The following ANO10 variants were observed in gnomAD, a reference collection of about 807,000 sequenced individuals.
The protein encoded by ANO10 is anoctamin 10, also known as anoctamin-10.
ANO10 carries 77 observed loss-of-function variants against 74.7 expected under a neutral mutation model. The ratio of observed to expected loss-of-function variants is 1.03; its 90% CI spans 0.86 to 1.25. The LOEUF is 1.25. Among genes scored for constraint, ANO10 ranks in the 50% most tolerant of loss-of-function variants. The probability of loss-of-function intolerance (pLI) is 0.00; values close to 1 mark genes in which losing one functional copy is unlikely to be tolerated. For synonymous variants in ANO10, 279 were observed against 284.9 expected (o/e 0.98, Z 0.21); for missense variants, 721 against 778.1 (o/e 0.93, Z 0.87).
intron 1 of ANO10, chr3:43,636,350 A>G (rs1575573362): frequency 6.6e-6 from 1 of 151,906 alleles, no homozygotes; most frequent in African/African-American, 2.4e-5. Context: ...AGTAGCAAGG[A>G]CTCCTGCCAC....
intron 1 of ANO10, among the ~76,000 whole-genome samples, chr3:43,677,580 G>A (rs1227349178): frequency 1.3e-5 from 2 of 152,148 alleles, no homozygotes; most frequent in African/African-American, 4.8e-5. Flanking sequence ...ACAATTCTGT[G>A]GGTCAGTAAT....
chr3:43,616,576 T>C (rs774416141), intron 1 of ANO10, among the ~76,000 whole-genome samples: 22 of 152,166 alleles, frequency 1.4e-4, no homozygotes, highest in Admixed American at 1.4e-3. Context: ...TGGGCTTTTT[T>C]AGTGCAAGCT....
intron 11 of ANO10, among the ~76,000 whole-genome samples, chr3:43,468,166 A>G (rs1370447512): frequency 5.9e-5 from 9 of 152,166 alleles, no homozygotes; most frequent in African/African-American, 2.2e-4. Context: ...GTGATTTCTT[A>G]TGTGTTTAAA....
intron 11 of ANO10, among the ~76,000 whole-genome samples, chr3:43,478,071 A>G (rs2076140750): frequency 6.6e-6 from 1 of 152,152 alleles, no homozygotes; most frequent in African/African-American, 2.4e-5. Context: ...TGCTCACAAC[A>G]GCCCTATGAG....
chr3:43,631,080 T>A (rs1204580871), intron 1 of ANO10, among the ~76,000 whole-genome samples: 1 of 152,210 alleles, frequency 6.6e-6, no homozygotes, highest in East Asian at 1.9e-4. Flanking sequence ...AGCCAAAAAC[T>A]AGGCAGCTGG....
intron 8 of ANO10, among the ~76,000 whole-genome samples, chr3:43,564,296 A>C (rs1463054024): frequency 6.6e-6 from 1 of 152,088 alleles, no homozygotes; most frequent in Non-Finnish European, 1.5e-5. Flanking sequence ...AGCCTCCTAA[A>C]GTGCTGGGAT....
intron 1 of ANO10, among the ~76,000 whole-genome samples, chr3:43,643,664 G>A (rs1235873165): frequency 1.4e-5 from 2 of 144,482 alleles, no homozygotes; most frequent in Admixed American, 1.4e-4. Flanking sequence ...AGCTTTTCAT[G>A]TACTTGTCCT....
At chr3:43,404,387 C>G (rs968077939) in intron 12 of ANO10, among the ~76,000 whole-genome samples, 9 of 152,162 alleles carry the variant, frequency 5.9e-5, no homozygotes, top group African/African-American at 1.9e-4. Context: ...CCTCAGAGAG[C>G]TTAAGGCAGA....
chr3:43,646,240 T>C (rs780686585), intron 1 of ANO10, among the ~76,000 whole-genome samples: 6 of 152,220 alleles, frequency 3.9e-5, no homozygotes, highest in Admixed American at 3.3e-4. Context: ...TTTACTCTGA[T>C]ACAATGTGAA....
chr3:43,636,848 C>T (rs1179164259), intron 1 of ANO10, among the ~76,000 whole-genome samples: 2 of 152,174 alleles, frequency 1.3e-5, no homozygotes, highest in Non-Finnish European at 2.9e-5. Flanking sequence ...CTGAAAAACA[C>T]CTGGTCTCTG....
intron 9 of ANO10, 39 bp downstream of exon 9, chr3:43,561,181 C>T (rs746900156): frequency 2.5e-6 from 4 of 1,603,026 alleles, no homozygotes; most frequent in Non-Finnish European, 3.4e-6. Flanking sequence ...CTATTATTCA[C>T]TCTCAGTAAA....
intron 7 of ANO10, among the ~76,000 whole-genome samples, chr3:43,571,722 T>C (rs2080732253): frequency 6.6e-6 from 1 of 151,090 alleles, no homozygotes; most frequent in African/African-American, 2.4e-5. Flanking sequence ...CATTGGGAGA[T>C]ATACCTAATG....
At chr3:43,491,675 G>A (rs577828129) in intron 11 of ANO10, among the ~76,000 whole-genome samples, 4 of 152,020 alleles carry the variant, frequency 2.6e-5, no homozygotes, top group South Asian at 2.1e-4. Context: ...AACTTGCCTC[G>A]GTCTCTCCTT....
At chr3:43,407,163 T>G (rs751883247) in intron 12 of ANO10, among the ~76,000 whole-genome samples, 6 of 152,020 alleles carry the variant, frequency 3.9e-5, no homozygotes, top group Non-Finnish European at 8.8e-5. Flanking sequence ...CTCGGCCTCC[T>G]AAAGTGCTGG....
At chr3:43,508,765 AG>A (rs2077393685) in intron 11 of ANO10, among the ~76,000 whole-genome samples, 1 of 145,516 alleles carries the variant, frequency 6.9e-6, no homozygotes, top group South Asian at 2.3e-4. Context: ...GGACACAGGA[AG>A]GGGAACATCA....
chr3:43,572,557 C>T (rs972397416), intron 7 of ANO10, among the ~76,000 whole-genome samples: 1 of 152,290 alleles, frequency 6.6e-6, no homozygotes, highest in African/African-American at 2.4e-5. Context: ...TCTTTGTCAC[C>T]ATAAGCATGA....
intron 1 of ANO10, among the ~76,000 whole-genome samples, chr3:43,651,160 C>G (rs531339357): frequency 6.6e-6 from 1 of 152,268 alleles, no homozygotes; most frequent in East Asian, 1.9e-4. Flanking sequence ...GATAAAAACA[C>G]TATTCATAAC....
chr3:43,602,429 T>C (rs1038997968), intron 2 of ANO10, among the ~76,000 whole-genome samples: 1 of 152,184 alleles, frequency 6.6e-6, no homozygotes, highest in Non-Finnish European at 1.5e-5. Flanking sequence ...CCTCCACCTC[T>C]GGGTTCAAGT....
chr3:43,614,796 T>C (rs1010720596), intron 1 of ANO10, among the ~76,000 whole-genome samples: 4 of 138,272 alleles, frequency 2.9e-5, no homozygotes, highest in Non-Finnish European at 6.3e-5. Context: ...TATATATATA[T>C]ATATATAGGT....
Sources: gnomAD v4.1 joint callset for allele counts (sites outside exome capture counted in the v4.1 genomes callset) on GRCh38, gnomAD v4.1.1 for gene constraint, MANE v1.5 for transcripts, NCBI Gene and HGNC (gene_info 2026-07-23, HGNC 2026-07-21) for gene names.